Variants in ERBB4 observed in about 807,000 individuals in gnomAD.
The protein encoded by ERBB4 is erb-b2 receptor tyrosine kinase 4, also known as receptor tyrosine-protein kinase erbB-4.
ERBB4 carries 42 observed loss-of-function variants against 158.0 expected under a neutral mutation model. The ratio of observed to expected loss-of-function variants is 0.27; its 90% CI spans 0.21 to 0.34. The LOEUF (loss-of-function observed/expected upper bound fraction) is 0.34. Ranked by LOEUF, ERBB4 falls within the 10% of genes least tolerant of loss-of-function variation. The pLI is 1.00. For missense variants in ERBB4, 1,333 were observed against 1,624.1 expected, an observed-to-expected ratio of 0.82 and a Z score of 3.08; for synonymous variants, 583 against 558.7, an observed-to-expected ratio of 1.04 and a Z score of -0.61.
At chr2:212,369,756 G>A (rs2090020135) in intron 1 of ERBB4, among the ~76,000 whole-genome samples, 1 of 151,994 alleles carries the variant, frequency 6.6e-6, no homozygotes. Context: ...TGCAGTGTAA[G>A]ATCATAGCTC....
At chr2:211,727,724 C>T (rs1164851046) in intron 5 of ERBB4, among the ~76,000 whole-genome samples, 1 of 151,822 alleles carries the variant, frequency 6.6e-6, no homozygotes, top group Non-Finnish European at 1.5e-5. Flanking sequence ...AAATAATGCA[C>T]AATATTGAAA....
At position 211,547,803 on chromosome 2, in the gene ERBB4, T is replaced by C. The variant is rs142417428; in HGVS notation, c.2487+14100A>G. 9.3e-4 allele frequency among the ~76,000 whole-genome samples: 141 copies of C among 152,134 alleles called. 1 individual carries two copies. Among genetic ancestry groups the C allele is most frequent in the African/African-American group, 3.1e-3 (128 of 41,564 alleles). On this transcript the variant is annotated intron_variant, in intron 20 of 27. Transcript: ENST00000342788. ...GTAAAAGTACTAGCTGAAGCATAAATTCACAGTAAAGAAATTAAGTTCTTT... is the reference window on the plus strand; with the variant it reads ...GTAAAAGTACTAGCTGAAGCATAAACTCACAGTAAAGAAATTAAGTTCTTT...
chr2:212,325,022 A>T (rs1489186037), intron 1 of ERBB4, among the ~76,000 whole-genome samples: 1 of 150,706 alleles, frequency 6.6e-6, no homozygotes, highest in Non-Finnish European at 1.5e-5. Context: ...GCAACCCAAA[A>T]AAAAACTCTA....
chr2:212,285,719 A>T lies in ERBB4; in HGVS notation c.83-160816T>A, dbSNP rs548992159. ...ATATTTTAAGAGGAGGAAAAATTAT[A>T]AAAAAATTGAGCATCAAAAATTGAT... On this transcript the variant is annotated intron_variant, in intron 1 of 27. Coordinates refer to ENST00000342788, the MANE Select transcript of ERBB4 (RefSeq NM_005235.3). Among the ~76,000 whole-genome samples, 27 of 152,278 alleles carry T rather than the reference A, an allele frequency of 1.8e-4. 1 individual carries two copies. Among genetic ancestry groups the T allele is most frequent in the African/African-American group, 4.1e-4 (17 of 41,570 alleles).
chr2:211,793,914 G>A (rs1171800175), intron 3 of ERBB4, among the ~76,000 whole-genome samples: 1 of 151,898 alleles, frequency 6.6e-6, no homozygotes, highest in Admixed American at 6.6e-5. Context: ...TTTAAGGAGA[G>A]TTGAAGTGTG....
At chr2:211,840,249 A>G (rs1335611861) in intron 3 of ERBB4, among the ~76,000 whole-genome samples, 1 of 151,390 alleles carries the variant, frequency 6.6e-6, no homozygotes, top group African/African-American at 2.4e-5. Flanking sequence ...TCCCTTGCAC[A>G]CTCGCTTTGC....
chr2:212,226,196 G>A (rs1348476606), intron 1 of ERBB4, among the ~76,000 whole-genome samples: 6 of 152,120 alleles, frequency 3.9e-5, no homozygotes, highest in Admixed American at 2.6e-4. Flanking sequence ...ACCCCAGGCT[G>A]TTGGCCAGTA....
At chr2:212,244,969 T>C (rs1038074674) in intron 1 of ERBB4, among the ~76,000 whole-genome samples, 6 of 152,188 alleles carry the variant, frequency 3.9e-5, no homozygotes, top group Non-Finnish European at 8.8e-5. Flanking sequence ...CATCTCCCTT[T>C]TATAGATGTT....
intron 3 of ERBB4, among the ~76,000 whole-genome samples, chr2:211,819,452 C>T (rs2076945765): frequency 6.6e-6 from 1 of 151,978 alleles, no homozygotes; most frequent in Non-Finnish European, 1.5e-5. Context: ...TAGTCTGAAA[C>T]TTGTCTCGAG....
At chr2:212,152,294 C>T (rs62184046) in intron 1 of ERBB4, among the ~76,000 whole-genome samples, 61,112 of 151,950 alleles carry the variant, frequency 0.4, 15,033 homozygotes, top group Non-Finnish European at 0.55. Context: ...ATTAATAATG[C>T]CTTCCAGAAT....
intron 2 of ERBB4, among the ~76,000 whole-genome samples, chr2:212,069,968 G>T (rs982290898): frequency 3.8e-5 from 4 of 106,232 alleles, no homozygotes; most frequent in African/African-American, 1.0e-4. Flanking sequence ...AAAGAAAAAA[G>T]AAAAAAGCCA....
At chr2:212,052,141 C>T (rs2077416219) in intron 2 of ERBB4, among the ~76,000 whole-genome samples, 2 of 152,188 alleles carry the variant, frequency 1.3e-5, no homozygotes, top group South Asian at 2.1e-4. Context: ...TAGAATAAAG[C>T]AGGCAGAAGA....
intron 3 of ERBB4, among the ~76,000 whole-genome samples, chr2:211,860,793 G>C (rs1422534145): frequency 6.7e-6 from 1 of 149,584 alleles, no homozygotes; most frequent in East Asian, 2.0e-4. Flanking sequence ...ACACTAGCAT[G>C]TTATAATACT....
At chr2:212,499,156 G>A (rs1034259245) in intron 1 of ERBB4, among the ~76,000 whole-genome samples, 1 of 151,944 alleles carries the variant, frequency 6.6e-6, no homozygotes, top group Non-Finnish European at 1.5e-5. Context: ...TGGTTTTGTT[G>A]AAACCGCATT....
At chr2:211,594,096 T>G (rs2068555696) in intron 19 of ERBB4, among the ~76,000 whole-genome samples, 1 of 151,978 alleles carries the variant, frequency 6.6e-6, no homozygotes, top group South Asian at 2.1e-4. Context: ...TCGAGGCATA[T>G]CCTTCTTGGT....
chr2:211,700,205 A>G (rs2073183947), intron 12 of ERBB4, among the ~76,000 whole-genome samples: 1 of 152,164 alleles, frequency 6.6e-6, no homozygotes, highest in Non-Finnish European at 1.5e-5. Context: ...ATTGCCATGA[A>G]TCATCTACTT....
chr2:212,401,452 T>G lies in ERBB4; in HGVS notation c.82+136997A>C, dbSNP rs549572375. On this transcript the variant is annotated intron_variant, in intron 1 of 27. Transcript: ENST00000342788. ...GCTGGTTTGAAAGCTCATATTGATT[T>G]GAAATACAAGTGCTTTGAAAAAGTT... Among the ~76,000 whole-genome samples the G allele has an allele frequency of 3.3e-5, 5 of 152,272 alleles. No homozygotes were observed. The East Asian group carries it at 9.6e-4, about 29-fold the overall frequency.
At chr2:212,202,654 T>C (rs2082621681) in intron 1 of ERBB4, among the ~76,000 whole-genome samples, 3 of 152,156 alleles carry the variant, frequency 2.0e-5, no homozygotes, top group African/African-American at 4.8e-5. Context: ...AATATTTAAA[T>C]ATATGTATTA....
At chr2:212,328,858 T>A (rs1389680470) in intron 1 of ERBB4, among the ~76,000 whole-genome samples, 2 of 152,086 alleles carry the variant, frequency 1.3e-5, no homozygotes, top group East Asian at 3.9e-4. Context: ...TTGATTCTAA[T>A]GTGGCAGCTG....
Sources: gnomAD v4.1 joint callset for allele counts (sites outside exome capture counted in the v4.1 genomes callset) on GRCh38, gnomAD v4.1.1 for gene constraint, MANE v1.5 for transcripts, NCBI Gene and HGNC (gene_info 2026-07-23, HGNC 2026-07-21) for gene names.